NOL4L: variants seen among roughly 807,000 people sequenced by gnomAD.
The protein encoded by NOL4L is nucleolar protein 4-like.
A neutral mutation model predicts 64.5 loss-of-function variants in NOL4L; 7 were observed. That is an observed-to-expected ratio of 0.11 (90% CI 0.06 to 0.20). The LOEUF (loss-of-function observed/expected upper bound fraction) is 0.20, where lower values mean the gene tolerates loss of function less well. Ranked by LOEUF, NOL4L falls within the 10% of genes least tolerant of loss-of-function variation. The probability of loss-of-function intolerance (pLI) is 1.00; values close to 1 mark genes in which losing one functional copy is unlikely to be tolerated. For synonymous variants in NOL4L, 413 were observed against 401.0 expected (o/e 1.03, Z -0.36); for missense variants, 680 against 967.1 (o/e 0.70, Z 3.94).
intron 4 of NOL4L, among the ~76,000 whole-genome samples, chr20:32,485,968 T>A (rs1361193998): frequency 1.3e-5 from 2 of 152,192 alleles, no homozygotes; most frequent in Non-Finnish European, 2.9e-5. Context: ...AGAGAGCTAG[T>A]ACCGCCCAGG....
intron 3 of NOL4L, chr20:32,520,218 G>A (rs1471124834): frequency 6.6e-6 from 1 of 151,768 alleles, no homozygotes; most frequent in Admixed American, 6.6e-5. Context: ...CCCGGGAGGC[G>A]GAGCTTGCAG....
intron 1 of NOL4L, among the ~76,000 whole-genome samples, chr20:32,534,417 T>G (rs2018445445): frequency 1.3e-5 from 2 of 152,190 alleles, no homozygotes; most frequent in Admixed American, 6.5e-5. Context: ...CAGGCAAATG[T>G]GAGGATGCCG....
chr20:32,523,702 G>C (rs910891), intron 2 of NOL4L, among the ~76,000 whole-genome samples: 38,743 of 152,082 alleles, frequency 0.25, 6,283 homozygotes, highest in East Asian at 0.77. Context: ...CAGGACCCTT[G>C]TCCCTGCCCA....
intron 1 of NOL4L, chr20:32,572,319 C>T (rs1338650684): frequency 6.6e-6 from 1 of 152,226 alleles, no homozygotes; most frequent in African/African-American, 2.4e-5. Flanking sequence ...TAGCACAGGG[C>T]CTGGCACTTC....
intron 2 of NOL4L, among the ~76,000 whole-genome samples, chr20:32,525,604 TTTC>T (rs1204660899): frequency 2.6e-5 from 4 of 152,196 alleles, no homozygotes; most frequent in Admixed American, 1.3e-4. Context: ...ATTTTATTTA[TTTC>T]TTTTTGAGAC....
At chr20:32,474,077 G>T (rs926334500) in intron 5 of NOL4L, among the ~76,000 whole-genome samples, 1 of 152,220 alleles carries the variant, frequency 6.6e-6, no homozygotes, top group Non-Finnish European at 1.5e-5. Context: ...CGCGGAGGCG[G>T]TCAGGGCTAG....
Position 32,446,836 on chromosome 20 carries a change from AGAATGGGG to A in NOL4L, c.*752_*759del. The A allele has an allele frequency of 4.6e-6, 1 of 215,882 alleles. No individual in the cohort carries two copies. The highest frequency in any genetic ancestry group is 9.3e-6 in the Non-Finnish European group (1 of 106,998). The allele number at this position is 215,882 out of a possible 1,614,324, so 13.4% of individuals were successfully genotyped here. On this transcript the variant is annotated 3_prime_UTR_variant, in exon 11 of 11. Coordinates refer to ENST00000621426, the MANE Select transcript of NOL4L (RefSeq NM_001256798.2). Reference sequence around the variant, plus strand: ...GGTGACCATGGACTGGGGCTTCTGTAGAATGGGGTCGGGGTGCCTCTTTTGTTTTGCTT... The same window carrying A: ...GGTGACCATGGACTGGGGCTTCTGTATCGGGGTGCCTCTTTTGTTTTGCTT...
chr20:32,552,481 G>A (rs1422355050), intron 1 of NOL4L, among the ~76,000 whole-genome samples: 1 of 152,094 alleles, frequency 6.6e-6, no homozygotes, highest in Non-Finnish European at 1.5e-5. Context: ...GAGGTCAGGG[G>A]TTCAAGACCA....
At chr20:32,506,169 C>A (rs929271967) in intron 4 of NOL4L, among the ~76,000 whole-genome samples, 2 of 152,104 alleles carry the variant, frequency 1.3e-5, no homozygotes, top group African/African-American at 4.8e-5. Context: ...AAATCTGAAC[C>A]TTGATCCCTA....
chr20:32,520,509 C>T (rs1248124764), intron 3 of NOL4L, among the ~76,000 whole-genome samples: 1 of 152,158 alleles, frequency 6.6e-6, no homozygotes, highest in African/African-American at 2.4e-5. Context: ...GCAGGCTGGC[C>T]ATTCCCAACT....
intron 1 of NOL4L, among the ~76,000 whole-genome samples, chr20:32,561,436 A>G (rs896446740): frequency 1.3e-3 from 194 of 152,286 alleles, no homozygotes; most frequent in African/African-American, 3.9e-3. Flanking sequence ...TTAATGGCGC[A>G]ATACAAGAAG....
chr20:32,563,580 C>T (rs536120700), intron 1 of NOL4L, among the ~76,000 whole-genome samples: 1 of 152,196 alleles, frequency 6.6e-6, no homozygotes, highest in South Asian at 2.1e-4. Flanking sequence ...CATGTTCTCT[C>T]ACCTGAGCCA....
intron 4 of NOL4L, among the ~76,000 whole-genome samples, chr20:32,482,206 C>T (rs1376275827): frequency 6.6e-6 from 1 of 152,088 alleles, no homozygotes; most frequent in East Asian, 1.9e-4. Flanking sequence ...TGTGGCTTCT[C>T]CATTGATCTG....
chr20:32,528,757 T>A (rs985342591), intron 1 of NOL4L, among the ~76,000 whole-genome samples: 1 of 152,150 alleles, frequency 6.6e-6, no homozygotes, highest in African/African-American at 2.4e-5. Context: ...GGGGAACTGC[T>A]CCGTGCAGGC....
chr20:32,451,112 A>C (rs763154312), intron 10 of NOL4L, among the ~76,000 whole-genome samples: 3 of 152,078 alleles, frequency 2.0e-5, no homozygotes, highest in Non-Finnish European at 2.9e-5. Flanking sequence ...GGGCTTAGGG[A>C]ATCCTCAGGC....
At chr20:32,485,058 C>CAAAAAAAAAA (rs57444583) in intron 4 of NOL4L, among the ~76,000 whole-genome samples, 35 of 17,814 alleles carry the variant, frequency 2.0e-3, no homozygotes, top group South Asian at 8.3e-3. Flanking sequence ...GGGAAATTGC[C>CAAAAAAAAAA]AAAAAAAAAA....
intron 4 of NOL4L, among the ~76,000 whole-genome samples, chr20:32,488,793 T>TCCTTCCTC (rs1304215016): frequency 3.7e-5 from 1 of 26,902 alleles, no homozygotes; most frequent in Non-Finnish European, 5.8e-5. Flanking sequence ...CTTCCTTCCT[T>TCCTTCCTC]TCTTTCTTTC....
At chr20:32,456,891 G>A (rs995750187) in intron 5 of NOL4L, among the ~76,000 whole-genome samples, 1 of 152,208 alleles carries the variant, frequency 6.6e-6, no homozygotes, top group African/African-American at 2.4e-5. Flanking sequence ...TCCTTCCTCT[G>A]CCGGAAGCAG....
Position 32,584,859 on chromosome 20 carries a change from C to A in NOL4L, c.32G>T (p.Gly11Val). Residue 11 changes from glycine to valine, a missense_variant, in exon 1 of 11, where the codon GGC becomes GTC. Gly to Val is a moderately radical substitution (Grantham distance 109). Around this residue, in one of 4 missense-constraint regions of NOL4L, gnomAD observed 181 missense variants for 335.2 expected, o/e 0.54. Transcript: ENST00000621426. Reference sequence around the variant, plus strand: ...CCCGGGGCTGCGCTCGCGCTCCCAGCCCCCGCGCAGCAGCAGCGTCGGCTT... The same window carrying A: ...CCCGGGGCTGCGCTCGCGCTCCCAGACCCCGCGCAGCAGCAGCGTCGGCTT... MPKPTLLLRG[G>V]WERERSPGDS... 1 of 1,422,316 alleles carries A rather than the reference C, an allele frequency of 7.0e-7. No individual in the cohort carries two copies. The highest frequency in any genetic ancestry group is 9.3e-7 in the Non-Finnish European group (1 of 1,079,314). The allele number at this position is 1,422,316 out of a possible 1,614,324, so 88.1% of individuals were successfully genotyped here. A position where few individuals can be genotyped will look rare whatever the true frequency, so the allele number is the denominator to read the frequency against.
Sources: allele counts gnomAD v4.1 joint callset (sites outside exome capture counted in the v4.1 genomes callset), GRCh38; gene constraint gnomAD v4.1.1; regional missense constraint gnomAD v4.1.1; transcripts MANE v1.5; gene names NCBI Gene and HGNC (gene_info 2026-07-23, HGNC 2026-07-21).